The following HDAC9 variants were observed in gnomAD, a reference collection of about 807,000 sequenced individuals.
HDAC9 encodes histone deacetylase 9.
A neutral mutation model predicts 139.4 loss-of-function variants in HDAC9; 41 were observed. The ratio of observed to expected loss-of-function variants is 0.29; its 90% CI spans 0.23 to 0.38. HDAC9 has a LOEUF of 0.38. Among genes scored for constraint, HDAC9 ranks in the 10% least tolerant of loss-of-function variants. The pLI, the probability that HDAC9 is intolerant of heterozygous loss-of-function variation, is 1.00. For missense variants in HDAC9, 1,147 were observed against 1,297.0 expected, an observed-to-expected ratio of 0.88 and a Z score of 1.78; for synonymous variants, 517 against 476.2, an observed-to-expected ratio of 1.09 and a Z score of -1.12.
chr7:18,195,135 T>C (rs1387940032), intron 2 of HDAC9, among the ~76,000 whole-genome samples: 1 of 152,154 alleles, frequency 6.6e-6, no homozygotes, highest in African/African-American at 2.4e-5. Flanking sequence ...ACAACAATTC[T>C]AAATGGATTG....
At chr7:18,615,375 A>G (rs1838284315) in intron 6 of HDAC9, among the ~76,000 whole-genome samples, 3 of 152,148 alleles carry the variant, frequency 2.0e-5, no homozygotes, top group Admixed American at 2.0e-4. Context: ...AACAACAGCA[A>G]CAAAAAAAGG....
intron 2 of HDAC9, among the ~76,000 whole-genome samples, chr7:18,174,837 G>C (rs780289866): frequency 1.4e-4 from 21 of 152,146 alleles, no homozygotes; most frequent in Non-Finnish European, 2.8e-4. Context: ...CTTCATCCCA[G>C]ATGGGCACCT....
chr7:18,243,645 G>A (rs1794334332), intron 2 of HDAC9, among the ~76,000 whole-genome samples: 1 of 152,188 alleles, frequency 6.6e-6, no homozygotes, highest in South Asian at 2.1e-4. Flanking sequence ...CGTGGACCTA[G>A]GCTAAGATCA....
chr7:18,829,648 A>G lies in HDAC9; in HGVS notation c.2466+100A>G, dbSNP rs549163605. On this transcript the variant is annotated intron_variant, in intron 19 of 25. Transcript: ENST00000686413. ...GTTGTCTTGCTTTTAGCACTTGCAA[A>G]CAACTGAAGGGTGTGTTTTCCTTTG... The G allele has an allele frequency of 1.4e-4, 100 of 715,994 alleles. 1 individual carries two copies. In the African/African-American group the frequency reaches 1.4e-3, roughly 10 times the overall value. 44.4% of individuals were successfully genotyped at this position (715,994 alleles called of 1,614,324 possible).
chr7:18,139,930 G>T (rs1185277001), intron 1 of HDAC9, among the ~76,000 whole-genome samples: 2 of 152,120 alleles, frequency 1.3e-5, no homozygotes, highest in African/African-American at 2.4e-5. Context: ...CCTTGATTTT[G>T]GCCCAGGAAA....
intron 23 of HDAC9, chr7:18,949,365 ATCC>A (rs953031080): frequency 3.5e-5 from 9 of 259,770 alleles, no homozygotes; most frequent in Non-Finnish European, 5.3e-5. Flanking sequence ...AGAGCTTTGC[ATCC>A]TCCTCCTCTT....
chr7:18,921,487 T>C (rs1803720852), intron 22 of HDAC9, among the ~76,000 whole-genome samples: 1 of 152,172 alleles, frequency 6.6e-6, no homozygotes, highest in Admixed American at 6.5e-5. Context: ...ATGCTCATCA[T>C]CACTGGCCAT....
At chr7:18,167,779 T>C (rs925009905) in intron 2 of HDAC9, among the ~76,000 whole-genome samples, 1 of 152,140 alleles carries the variant, frequency 6.6e-6, no homozygotes, top group Non-Finnish European at 1.5e-5. Flanking sequence ...CAAAGGAGGC[T>C]GGGAAAAGTA....
intron 1 of HDAC9, among the ~76,000 whole-genome samples, chr7:18,351,887 A>G (rs181949186): frequency 2.9e-4 from 44 of 152,348 alleles, no homozygotes; most frequent in Non-Finnish European, 1.3e-4. Context: ...CTTGTCTTAA[A>G]TCTCAAAAAA....
chr7:18,554,573 G>C (rs958665248), intron 2 of HDAC9, among the ~76,000 whole-genome samples: 4 of 152,044 alleles, frequency 2.6e-5, no homozygotes, highest in African/African-American at 9.7e-5. Flanking sequence ...CTAACCTTGT[G>C]ATCCACCTGC....
intron 22 of HDAC9, among the ~76,000 whole-genome samples, chr7:18,892,948 G>T (rs958953276): frequency 7.7e-6 from 1 of 129,854 alleles, no homozygotes; most frequent in Non-Finnish European, 1.6e-5. Context: ...TTCCTCCCAG[G>T]TTGTTACTTG....
intron 2 of HDAC9, among the ~76,000 whole-genome samples, chr7:18,545,704 A>T (rs1283652958): frequency 6.6e-6 from 1 of 152,162 alleles, no homozygotes; most frequent in East Asian, 1.9e-4. Flanking sequence ...ATCCATAAGG[A>T]GATTGAGGGA....
intron 13 of HDAC9, among the ~76,000 whole-genome samples, chr7:18,736,383 G>A (rs1326862358): frequency 6.6e-6 from 1 of 152,052 alleles, no homozygotes; most frequent in East Asian, 1.9e-4. Flanking sequence ...GTCATAAATA[G>A]CTCTTATTAT....
chr7:18,419,950 C>T (rs1278635661), intron 1 of HDAC9, among the ~76,000 whole-genome samples: 2 of 152,060 alleles, frequency 1.3e-5, no homozygotes, highest in African/African-American at 4.8e-5. Flanking sequence ...CCATGAATCT[C>T]GGAGGCCTGC....
chr7:18,611,463 T>G (rs1456842901), intron 6 of HDAC9, among the ~76,000 whole-genome samples: 1 of 152,116 alleles, frequency 6.6e-6, no homozygotes, highest in Non-Finnish European at 1.5e-5. Context: ...TATGCAATAA[T>G]CCTAGAAATA....
intron 2 of HDAC9, among the ~76,000 whole-genome samples, chr7:18,504,565 A>C (rs1446027444): frequency 6.6e-6 from 1 of 152,224 alleles, no homozygotes; most frequent in Non-Finnish European, 1.5e-5. Flanking sequence ...TTGGCCTCCC[A>C]AACTGCTGGA....
At chr7:18,551,875 A>G (rs753917557) in intron 2 of HDAC9, among the ~76,000 whole-genome samples, 13 of 152,184 alleles carry the variant, frequency 8.5e-5, no homozygotes, top group Non-Finnish European at 1.8e-4. Flanking sequence ...TAACCACTAC[A>G]CTTATTCTAG....
At chr7:18,641,623 T>C (rs1210017366) in intron 8 of HDAC9, among the ~76,000 whole-genome samples, 1 of 152,152 alleles carries the variant, frequency 6.6e-6, no homozygotes, top group Non-Finnish European at 1.5e-5. Context: ...AAAACCGTCA[T>C]TTCCATGTTC....
chr7:18,848,784 C>G (rs538582888), intron 21 of HDAC9, among the ~76,000 whole-genome samples: 4 of 152,032 alleles, frequency 2.6e-5, no homozygotes, highest in Non-Finnish European at 5.9e-5. Context: ...ATCTTCCAAA[C>G]CATATTTTGC....
Sources: gnomAD v4.1 joint callset for allele counts (sites outside exome capture counted in the v4.1 genomes callset) on GRCh38, gnomAD v4.1.1 for gene constraint, MANE v1.5 for transcripts, NCBI Gene and HGNC (gene_info 2026-07-23, HGNC 2026-07-21) for gene names.